The following SCN8A variants were observed in gnomAD, a reference collection of about 807,000 sequenced individuals.
The protein encoded by SCN8A is sodium voltage-gated channel alpha subunit 8, also known as sodium channel protein type 8 subunit alpha.
Under a neutral mutation model 184.1 loss-of-function variants are expected in SCN8A, and 30 were observed. That is an observed-to-expected ratio of 0.16 (90% CI 0.12 to 0.22). The LOEUF is 0.22. SCN8A is among the 10% of genes least tolerant of loss of function. The probability of loss-of-function intolerance (pLI) is 1.00; values close to 1 mark genes in which losing one functional copy is unlikely to be tolerated. For missense variants in SCN8A, 1,057 were observed against 2,498.9 expected (o/e 0.42, Z 12.30); for synonymous variants, 852 against 907.0 (o/e 0.94, Z 1.09).
At chr12:51,697,870 ACGGAGT>A (rs772408103) in intron 6 of SCN8A, among the ~76,000 whole-genome samples, 3 of 152,032 alleles carry the variant, frequency 2.0e-5, no homozygotes, top group Non-Finnish European at 4.4e-5. Context: ...TGTTTTTGAG[ACGGAGT>A]CTCGCTCTGT....
chr12:51,720,256 G>A (rs1413102904), intron 11 of SCN8A, among the ~76,000 whole-genome samples: 3 of 149,788 alleles, frequency 2.0e-5, no homozygotes, highest in Non-Finnish European at 4.4e-5. Flanking sequence ...AAAATGGGGT[G>A]GATGGAATAC....
chr12:51,714,316 C>T (rs1250846363), intron 11 of SCN8A, among the ~76,000 whole-genome samples: 1 of 152,146 alleles, frequency 6.6e-6, no homozygotes, highest in African/African-American at 2.4e-5. Context: ...TGCCATAGAT[C>T]TTTAACCTGT....
Position 51,622,824 on chromosome 12 carries a change from C to A in SCN8A, c.-55+31465C>A, listed in dbSNP as rs769912700. Among the ~76,000 whole-genome samples the A allele has an allele frequency of 2.6e-5, 4 of 152,098 alleles. No individual in the cohort carries two copies. In the South Asian group the frequency reaches 8.3e-4, roughly 32 times the overall value. ...CTTTACCTCCTACAGAGGGTATTAT[C>A]TACTTATATTATCTGGAATTCTTCT... On this transcript the variant is annotated intron_variant, in intron 1 of 26. Coordinates refer to ENST00000627620, the MANE Select transcript of SCN8A (RefSeq NM_001330260.2).
chr12:51,604,634 TCTC>T (rs1939544629), intron 1 of SCN8A, among the ~76,000 whole-genome samples: 1 of 152,122 alleles, frequency 6.6e-6, no homozygotes. Flanking sequence ...TTCAAGCAAT[TCTC>T]CTGCCTCAGC....
At chr12:51,591,698 C>T (rs184719449) in intron 1 of SCN8A, among the ~76,000 whole-genome samples, 3 of 152,288 alleles carry the variant, frequency 2.0e-5, no homozygotes, top group South Asian at 4.1e-4. Context: ...CCCTCCATCC[C>T]TCCCTCAGTG....
intron 14 of SCN8A, among the ~76,000 whole-genome samples, chr12:51,761,458 TTTATTTATTA>T (rs1292929187): frequency 8.0e-5 from 12 of 149,770 alleles, no homozygotes; most frequent in South Asian, 2.1e-4. Context: ...TATTTATTTA[TTTATTTATTA>T]TTATTTATTT....
chr12:51,710,887 T>TA (rs1171255661), intron 11 of SCN8A, among the ~76,000 whole-genome samples: 1 of 152,232 alleles, frequency 6.6e-6, no homozygotes, highest in African/African-American at 2.4e-5. Context: ...GTACTCTACA[T>TA]ATACTCTGTG....
chr12:51,633,772 T>A (rs1297292543), intron 1 of SCN8A, among the ~76,000 whole-genome samples: 4 of 152,216 alleles, frequency 2.6e-5, no homozygotes, highest in Non-Finnish European at 4.4e-5. Context: ...CATATGCATT[T>A]TATTTGATTA....
chr12:51,778,798 T>C (rs974564797), intron 20 of SCN8A, among the ~76,000 whole-genome samples: 10 of 152,180 alleles, frequency 6.6e-5, no homozygotes, highest in African/African-American at 2.4e-4. Context: ...CTCTCTAAAT[T>C]TTCTTTAAAA....
At chr12:51,788,582 C>G (rs913641545) in intron 22 of SCN8A, 113 bp from the exon 23 acceptor site, 5 of 637,634 alleles carry the variant, frequency 7.8e-6, no homozygotes, top group African/African-American at 7.4e-5. Context: ...AGGCTGCACC[C>G]AAACCCCTGT....
At chr12:51,604,655 G>A (rs929366013) in intron 1 of SCN8A, among the ~76,000 whole-genome samples, 5 of 152,160 alleles carry the variant, frequency 3.3e-5, no homozygotes, top group Non-Finnish European at 5.9e-5. Flanking sequence ...AGCCTCAGAA[G>A]TAGCTGGGAT....
chr12:51,593,412 G>A (rs1939275384), intron 1 of SCN8A, among the ~76,000 whole-genome samples: 1 of 152,184 alleles, frequency 6.6e-6, no homozygotes, highest in Non-Finnish European at 1.5e-5. Flanking sequence ...AGCAGCTTTG[G>A]TTTTCATTTG....
intron 2 of SCN8A, among the ~76,000 whole-genome samples, chr12:51,671,367 A>C (rs1264316173): frequency 1.3e-5 from 2 of 152,204 alleles, no homozygotes; most frequent in African/African-American, 4.8e-5. Context: ...GTTCTCATGC[A>C]GGTACTAAGC....
intron 11 of SCN8A, chr12:51,712,518 C>T (rs1941895702): frequency 2.6e-6 from 2 of 773,848 alleles, no homozygotes; most frequent in East Asian, 2.4e-5. Context: ...TAACCACCAC[C>T]ATAGGGACTG....
intron 11 of SCN8A, among the ~76,000 whole-genome samples, chr12:51,717,338 C>T (rs1466508879): frequency 6.6e-6 from 1 of 152,192 alleles, no homozygotes; most frequent in East Asian, 1.9e-4. Context: ...TTCTATTTTT[C>T]CCAATTCTTC....
At position 51,698,721 on chromosome 12, in the gene SCN8A, A is replaced by C. The variant is rs77812218; in HGVS notation, c.707-849A>C. 3.9e-4 allele frequency among the ~76,000 whole-genome samples: 60 copies of C among 152,352 alleles called. 1 individual carries two copies. In the East Asian group the frequency reaches 0.012, roughly 29 times the overall value. On this transcript the variant is annotated intron_variant, in intron 6 of 26. Transcript: ENST00000627620. ...TTTGTTTTTAATTTAGGACAGAAAAAAGATCATTGTAGAAAGCAGGGAATG... is the reference window on the plus strand; with the variant it reads ...TTTGTTTTTAATTTAGGACAGAAAACAGATCATTGTAGAAAGCAGGGAATG...
intron 12 of SCN8A, among the ~76,000 whole-genome samples, chr12:51,725,213 T>C (rs1942137725): frequency 6.6e-6 from 1 of 152,216 alleles, no homozygotes; most frequent in African/African-American, 2.4e-5. Flanking sequence ...GAAACTGTTA[T>C]GGCTAGTTGT....
chr12:51,747,853 T>G (rs1942536957), intron 13 of SCN8A, among the ~76,000 whole-genome samples: 1 of 86,274 alleles, frequency 1.2e-5, no homozygotes, highest in South Asian at 3.4e-4. Flanking sequence ...TTACCCACCA[T>G]CACACACATT....
chr12:51,643,975 A>G (rs1940509263), intron 1 of SCN8A, among the ~76,000 whole-genome samples: 2 of 152,228 alleles, frequency 1.3e-5, no homozygotes, highest in Admixed American at 1.3e-4. Context: ...GGGTCAACTG[A>G]ATAGTGCTGG....
Sources: allele counts gnomAD v4.1 joint callset (sites outside exome capture counted in the v4.1 genomes callset), GRCh38; gene constraint gnomAD v4.1.1; transcripts MANE v1.5; gene names NCBI Gene and HGNC (gene_info 2026-07-23, HGNC 2026-07-21).